The following GPC5 variants were observed in gnomAD, a reference collection of about 807,000 sequenced individuals.
GPC5 encodes glypican-5.
In GPC5, 47 loss-of-function variants were observed where a neutral mutation model predicts 53.9. The observed-to-expected ratio is 0.87, with a 90% confidence interval of 0.69 to 1.11. The LOEUF is 1.11. Among genes scored for constraint, GPC5 ranks in the 50% most tolerant of loss-of-function variants. The pLI, the probability that GPC5 is intolerant of heterozygous loss-of-function variation, is 0.00. For synonymous variants in GPC5, 286 were observed against 263.3 expected, an observed-to-expected ratio of 1.09 and a Z score of -0.84; for missense variants, 748 against 713.1, an observed-to-expected ratio of 1.05 and a Z score of -0.56.
chr13:91,643,013 A>G (rs1307368462), intron 2 of GPC5, among the ~76,000 whole-genome samples: 1 of 152,136 alleles, frequency 6.6e-6, no homozygotes, highest in African/African-American at 2.4e-5. Flanking sequence ...TGGAAGCTAC[A>G]TTGAGTTAGA....
intron 6 of GPC5, among the ~76,000 whole-genome samples, chr13:91,988,009 A>G (rs2040424569): frequency 6.8e-6 from 1 of 146,750 alleles, no homozygotes. Context: ...TATAAAATAC[A>G]TAAAAATATA....
chr13:91,413,267 A>G (rs1877945346), intron 1 of GPC5, among the ~76,000 whole-genome samples: 2 of 152,134 alleles, frequency 1.3e-5, no homozygotes, highest in African/African-American at 4.8e-5. Context: ...GGTGACAGAG[A>G]GTCTGTCTTA....
In GPC5 at chr13:92,213,239, A is replaced by G. The variant is rs555571479; in HGVS notation, c.1561+68250A>G. ...GCCTAATGTAAATTGTACATTTTCAATGTGTTTTCCTTTGTATCAAACATA... is the reference window on the plus strand; with the variant it reads ...GCCTAATGTAAATTGTACATTTTCAGTGTGTTTTCCTTTGTATCAAACATA... On this transcript the variant is annotated intron_variant, in intron 7 of 7. Coordinates refer to ENST00000377067, the MANE Select transcript of GPC5 (RefSeq NM_004466.6). 1.6e-4 allele frequency among the ~76,000 whole-genome samples: 25 copies of G among 152,284 alleles called. No homozygotes were observed. In the South Asian group the frequency reaches 4.3e-3, roughly 26 times the overall value.
intron 7 of GPC5, among the ~76,000 whole-genome samples, chr13:92,354,524 G>T (rs1054763575): frequency 3.9e-5 from 6 of 152,180 alleles, no homozygotes; most frequent in Non-Finnish European, 8.8e-5. Flanking sequence ...AAGTATTACA[G>T]AGAATTTACT....
chr13:91,991,450 T>A (rs2138735200), intron 6 of GPC5, among the ~76,000 whole-genome samples: 1 of 152,360 alleles, frequency 6.6e-6, no homozygotes, highest in East Asian at 1.9e-4. Context: ...TTATACATAC[T>A]TACTAGTACT....
chr13:91,992,939 G>GA (rs1192655886), intron 6 of GPC5, among the ~76,000 whole-genome samples: 1 of 151,970 alleles, frequency 6.6e-6, no homozygotes, highest in Non-Finnish European at 1.5e-5. Context: ...CCACTTGTAG[G>GA]AAAAAAATAA....
chr13:91,571,631 A>T (rs1179256816), intron 2 of GPC5, among the ~76,000 whole-genome samples: 1 of 151,732 alleles, frequency 6.6e-6, no homozygotes, highest in Non-Finnish European at 1.5e-5. Flanking sequence ...AGGCTGAGGC[A>T]GGAGAATCAC....
rs528187500 is a variant in GPC5, at chr13:92,749,400, T to C, written c.1562-116882T>C. Among the ~76,000 whole-genome samples, 7 of 152,240 alleles carry C rather than the reference T, an allele frequency of 4.6e-5. No homozygotes were observed. In the South Asian group the frequency reaches 8.3e-4, roughly 18 times the overall value. On this transcript the variant is annotated intron_variant, in intron 7 of 7. Coordinates refer to ENST00000377067, the MANE Select transcript of GPC5 (RefSeq NM_004466.6). ...TAAAAGTCACTATATACAATAAACT[T>C]TCATTGTTTGTGATTATGAGAAAAT...
At chr13:92,192,023 T>G (rs768081630) in intron 7 of GPC5, among the ~76,000 whole-genome samples, 1 of 152,126 alleles carries the variant, frequency 6.6e-6, no homozygotes, top group Non-Finnish European at 1.5e-5. Context: ...GTATATAATA[T>G]TCTGGAAAAG....
At chr13:92,579,595 T>G (rs1883310552) in intron 7 of GPC5, among the ~76,000 whole-genome samples, 1 of 151,984 alleles carries the variant, frequency 6.6e-6, no homozygotes, top group Admixed American at 6.6e-5. Context: ...CAGTGGGAAG[T>G]TAATTTATAA....
chr13:92,250,095 A>G (rs969720679), intron 7 of GPC5, among the ~76,000 whole-genome samples: 1 of 152,094 alleles, frequency 6.6e-6, no homozygotes, highest in Non-Finnish European at 1.5e-5. Flanking sequence ...TAGTAATCAG[A>G]TTATGAATTG....
intron 6 of GPC5, among the ~76,000 whole-genome samples, chr13:91,988,266 A>G (rs1217324906): frequency 6.6e-6 from 1 of 152,088 alleles, no homozygotes; most frequent in East Asian, 1.9e-4. Flanking sequence ...TGTGGTGTGA[A>G]TTGTTATGAA....
chr13:92,444,741 GT>G (rs1877727571), intron 7 of GPC5, among the ~76,000 whole-genome samples: 2 of 102,664 alleles, frequency 1.9e-5, no homozygotes, highest in African/African-American at 3.6e-5. Flanking sequence ...AAAAAAAAAA[GT>G]CTAAACTTAA....
rs60685438 is a variant in GPC5, at chr13:92,324,983, T to C, written c.1561+179994T>C. 9.7e-3 allele frequency among the ~76,000 whole-genome samples: 1,469 copies of C among 151,946 alleles called. 17 individuals are homozygous for C. The highest frequency in any genetic ancestry group is 0.033 in the African/African-American group (1,367 of 41,486). On this transcript the variant is annotated intron_variant, in intron 7 of 7. Transcript: ENST00000377067. ...TGAGAGCATGATTACATCATTTAAT[T>C]TGCATAAGGAAAAAGTGATTTTGCA... is the stretch of plus-strand genomic sequence containing the variant.
chr13:91,456,652 C>T (rs1275054340), intron 2 of GPC5, among the ~76,000 whole-genome samples: 2 of 151,806 alleles, frequency 1.3e-5, no homozygotes, highest in African/African-American at 2.4e-5. Flanking sequence ...TGTGGTATGA[C>T]ACTCATTTTG....
intron 6 of GPC5, among the ~76,000 whole-genome samples, chr13:92,081,171 C>T (rs777364118): frequency 2.6e-5 from 4 of 151,998 alleles, no homozygotes; most frequent in African/African-American, 4.8e-5. Flanking sequence ...TGGAGTGGCA[C>T]GATCACTGCA....
intron 7 of GPC5, chr13:92,658,982 G>T (rs1171498831): frequency 7.8e-6 from 1 of 128,286 alleles, no homozygotes; most frequent in Non-Finnish European, 1.6e-5. Context: ...AGGCTGGAGT[G>T]CAGTGGCGGG....
chr13:92,656,466 G>A (rs528445977), intron 7 of GPC5, among the ~76,000 whole-genome samples: 13 of 152,142 alleles, frequency 8.5e-5, no homozygotes, highest in Non-Finnish European at 1.9e-4. Flanking sequence ...GTTTTCTCCA[G>A]GCAGGACACC....
intron 6 of GPC5, among the ~76,000 whole-genome samples, chr13:91,997,184 A>T (rs1188581453): frequency 6.6e-6 from 1 of 152,090 alleles, no homozygotes; most frequent in Non-Finnish European, 1.5e-5. Flanking sequence ...TGTATATATG[A>T]TGGTTCTGTT....
Sources: gnomAD v4.1 joint callset for allele counts (sites outside exome capture counted in the v4.1 genomes callset) on GRCh38, gnomAD v4.1.1 for gene constraint, MANE v1.5 for transcripts, NCBI Gene and HGNC (gene_info 2026-07-23, HGNC 2026-07-21) for gene names.